Variants in CC2D1A observed in about 807,000 individuals in gnomAD.
The protein encoded by CC2D1A is coiled-coil and C2 domain-containing protein 1A.
CC2D1A carries 68 observed loss-of-function variants against 123.8 expected under a neutral mutation model. The ratio of observed to expected loss-of-function variants is 0.55; its 90% CI spans 0.45 to 0.67. The LOEUF (loss-of-function observed/expected upper bound fraction) is 0.67. CC2D1A is among the 30% of genes least tolerant of loss of function. CC2D1A has a pLI of 0.00. For synonymous variants in CC2D1A, 477 were observed against 528.0 expected, an observed-to-expected ratio of 0.90 and a Z score of 1.32; for missense variants, 1,185 against 1,290.3, an observed-to-expected ratio of 0.92 and a Z score of 1.25.
At chr19:13,909,014 C>G (rs537471163) in intron 1 of CC2D1A, among the ~76,000 whole-genome samples, 3 of 152,198 alleles carry the variant, frequency 2.0e-5, no homozygotes, top group Admixed American at 6.5e-5. Context: ...CAGCCTTGAT[C>G]TCCCCAGGCT....
chr19:13,925,910 A>T (rs1336837881), intron 17 of CC2D1A, among the ~76,000 whole-genome samples: 2 of 101,074 alleles, frequency 2.0e-5, no homozygotes, highest in African/African-American at 7.3e-5. Flanking sequence ...ACAGAGCAAG[A>T]CTCTGTCTAA....
Position 13,918,493 on chromosome 19 carries a change from C to A in CC2D1A, c.874-11C>A. The A allele has an allele frequency of 6.2e-7, 1 of 1,612,884 alleles. No individual in the cohort carries two copies. Among genetic ancestry groups the A allele is most frequent in the Non-Finnish European group, 8.5e-7 (1 of 1,179,356 alleles). On this transcript the variant is annotated splice_polypyrimidine_tract_variant and intron_variant, in intron 7 of 28. Coordinates refer to ENST00000318003, the MANE Select transcript of CC2D1A (RefSeq NM_017721.5). Reference sequence around the variant, plus strand: ...GCACCTCTTCTTCTAATCTCCTCTTCCTTCTCCCAGAGCTTTGATGCTGTC... The same window carrying A: ...GCACCTCTTCTTCTAATCTCCTCTTACTTCTCCCAGAGCTTTGATGCTGTC...
chr19:13,906,629 C>G lies in CC2D1A; in HGVS notation c.60+128C>G, dbSNP rs771884055. ...AGGTAAGCCCCGGTCCCCGCCTCCC[C>G]CCAGGTGAGGCTCCAACACCACCCA... On this transcript the variant is annotated intron_variant, in intron 1 of 28. Transcript: ENST00000318003. The surrounding 1 kb of genome is among the most constrained non-coding windows in gnomAD (Gnocchi z 4.1). 6 of 559,032 alleles carry G rather than the reference C, an allele frequency of 1.1e-5. No homozygotes were observed. The highest frequency in any genetic ancestry group is 4.1e-5 in the Admixed American group (1 of 24,098). 34.6% of individuals were successfully genotyped at this position (559,032 alleles called of 1,614,324 possible).
chr19:13,927,243 G>A lies in CC2D1A; in HGVS notation c.2294G>A (p.Cys765Tyr). Residue 765 changes from cysteine (C) to tyrosine (Y), a missense_variant, in exon 22 of 29, where the codon TGT (cysteine) becomes TAT (tyrosine). Coordinates refer to ENST00000318003, the MANE Select transcript of CC2D1A (RefSeq NM_017721.5). ...QLKLDALEIACEVREILEVLD... is the reference protein window; with the variant it reads ...QLKLDALEIAYEVREILEVLD... ...AAGCTGGATGCACTGGAGATAGCAT[G>A]TGAGGTCCGGGAGATCCTTGAGGTG... 6.2e-7 allele frequency: 1 copy of A among 1,614,108 alleles called. No homozygotes were observed.
At chr19:13,907,018 C>T (rs986980068) in intron 1 of CC2D1A, among the ~76,000 whole-genome samples, 2 of 152,164 alleles carry the variant, frequency 1.3e-5, no homozygotes, top group Admixed American at 6.6e-5. Flanking sequence ...ATGGAAGGAG[C>T]CCAGGACATA....
intron 6 of CC2D1A, among the ~76,000 whole-genome samples, chr19:13,917,804 C>A (rs1971257441): frequency 1.3e-5 from 2 of 152,140 alleles, no homozygotes; most frequent in Admixed American, 1.3e-4. Context: ...CACGGCGAAA[C>A]CCTGTCTCTA....
rs1971030516 is a variant in CC2D1A, at chr19:13,912,394, G to A, written c.268G>A (p.Glu90Lys). 6.2e-7 allele frequency: 1 copy of A among 1,613,754 alleles called. No homozygotes were observed. The highest frequency in any genetic ancestry group is 8.5e-7 in the Non-Finnish European group (1 of 1,179,872). Residue 90 changes from glutamate to lysine, a missense_variant, in exon 3 of 29, where the codon GAG becomes AAG. Coordinates refer to ENST00000318003, the MANE Select transcript of CC2D1A (RefSeq NM_017721.5). ...GAGAGACCCGGATGAGGATGAGGAG[G>A]AGGGGACGGATGAGGACGACTTGGA... is the stretch of plus-strand genomic sequence containing the variant. ...CMRDPDEDEE[E>K]GTDEDDLEAD...
At chr19:13,907,423 T>C (rs570849213) in intron 1 of CC2D1A, among the ~76,000 whole-genome samples, 1 of 151,900 alleles carries the variant, frequency 6.6e-6, no homozygotes, top group African/African-American at 2.4e-5. Flanking sequence ...AAAATAAAGA[T>C]AAAAAATTAA....
chr19:13,909,415 A>G (rs1326114051), intron 1 of CC2D1A, among the ~76,000 whole-genome samples: 1 of 146,440 alleles, frequency 6.8e-6, no homozygotes. Context: ...TTTTTTTTGT[A>G]GAGTTGGGGG....
chr19:13,907,350 G>T (rs141630910), intron 1 of CC2D1A, among the ~76,000 whole-genome samples: 3 of 152,218 alleles, frequency 2.0e-5, no homozygotes, highest in African/African-American at 7.2e-5. Context: ...GTTCAAGACC[G>T]CAGTGAGCTA....
intron 12 of CC2D1A, chr19:13,920,273 A>G: frequency 1.9e-6 from 1 of 516,706 alleles, no homozygotes; most frequent in Non-Finnish European, 3.4e-6. Flanking sequence ...AAAAAAAAAA[A>G]AGTGTTTGGT....
chr19:13,927,302 G>A (rs756298557), intron 22 of CC2D1A, 37 bp downstream of exon 22: 1 of 1,510,908 alleles, frequency 6.6e-7, no homozygotes, highest in East Asian at 2.3e-5. Context: ...CTCCGGTATG[G>A]CCATGCTACT....
Position 13,930,596 on chromosome 19 carries a change from C to G in CC2D1A, c.*201C>G. On this transcript the variant is annotated 3_prime_UTR_variant, in exon 29 of 29. Coordinates refer to ENST00000318003, the MANE Select transcript of CC2D1A (RefSeq NM_017721.5). The surrounding 1 kb of genome is among the most constrained non-coding windows in gnomAD (Gnocchi z 6.8). ...CATGCCTGCCAGCCAGTATGTGCCCCTCACCCAGGCCTGGCTGGGCCCTGG... is the reference window on the plus strand; with the variant it reads ...CATGCCTGCCAGCCAGTATGTGCCCGTCACCCAGGCCTGGCTGGGCCCTGG... 1.6e-6 allele frequency: 1 copy of G among 637,492 alleles called. No individual in the cohort carries two copies. Among genetic ancestry groups the G allele is most frequent in the Non-Finnish European group, 2.7e-6 (1 of 371,102 alleles). The allele number at this position is 637,492 out of a possible 1,614,324, so 39.5% of individuals were successfully genotyped here. A position where few individuals can be genotyped will look rare whatever the true frequency, so the allele number is the denominator to read the frequency against.
intron 6 of CC2D1A, among the ~76,000 whole-genome samples, chr19:13,917,486 C>T (rs958148564): frequency 6.6e-6 from 1 of 152,094 alleles, no homozygotes; most frequent in African/African-American, 2.4e-5. Context: ...GTAACTCACA[C>T]CTGTAATCCT....
chr19:13,925,987 T>TATACGTATATATATGTATATATATACAC lies in CC2D1A; in HGVS notation c.1941-529_1941-528insTACGTATATATATGTATATATATACACA, dbSNP rs1568418646. 3.5e-4 allele frequency among the ~76,000 whole-genome samples: 42 copies of TATACGTATATATATGTATATATATACAC among 120,870 alleles called. 2 individuals carry two copies. Among genetic ancestry groups the TATACGTATATATATGTATATATATACAC allele is most frequent in the African/African-American group, 1.6e-3 (39 of 25,008 alleles). The allele number at this position is 120,870 out of a possible 152,430, so 79.3% of individuals were successfully genotyped here. A position where few individuals can be genotyped will look rare whatever the true frequency, so the allele number is the denominator to read the frequency against. On this transcript the variant is annotated intron_variant, in intron 17 of 28. Coordinates refer to ENST00000318003, the MANE Select transcript of CC2D1A (RefSeq NM_017721.5). ...ACGTATATATATGTGTATATATATA[T>TATACGTATATATATGTATATATATACAC]ACATATATGTGTGTATATATATATA...
At chr19:13,912,800 G>T (rs1053292818) in intron 4 of CC2D1A, among the ~76,000 whole-genome samples, 2 of 152,164 alleles carry the variant, frequency 1.3e-5, no homozygotes, top group African/African-American at 2.4e-5. Context: ...TTACAGGTGT[G>T]TGCCACCACG....
intron 24 of CC2D1A, 89 bp downstream of exon 24, chr19:13,928,277 AC>A: frequency 8.9e-7 from 1 of 1,129,414 alleles, no homozygotes; most frequent in Non-Finnish European, 1.3e-6. Context: ...CACAAATTGG[AC>A]CACGTCCCTC....
rs1214885724 is a variant in CC2D1A at position 13,930,677 on chromosome 19, G to T, written c.*282G>T. The T allele has an allele frequency of 3.2e-5, 16 of 502,096 alleles. No individual in the cohort carries two copies. The highest frequency in any genetic ancestry group is 4.2e-5 in the Non-Finnish European group (12 of 286,002). 31.1% of individuals were successfully genotyped at this position (502,096 alleles called of 1,614,324 possible). A position where few individuals can be genotyped will look rare whatever the true frequency, so the allele number is the denominator to read the frequency against. Reference sequence around the variant, plus strand: ...CGGCCTCTGGCCCGCCCCGGAGCAGGGAGGGTGGCTGGGGCCAAGCCCCGA... The same window carrying T: ...CGGCCTCTGGCCCGCCCCGGAGCAGTGAGGGTGGCTGGGGCCAAGCCCCGA... On this transcript the variant is annotated 3_prime_UTR_variant, in exon 29 of 29. Transcript: ENST00000318003. This position sits in a 1 kb window ranked among gnomAD's most constrained non-coding sequence, Gnocchi z 6.8.
Position 13,923,843 on chromosome 19 carries a change from GC to G in CC2D1A, c.1940+36del, listed in dbSNP as rs770323773. On this transcript the variant is annotated intron_variant, in intron 17 of 28. Coordinates refer to ENST00000318003, the MANE Select transcript of CC2D1A (RefSeq NM_017721.5). The surrounding 1 kb of genome is among the most constrained non-coding windows in gnomAD (Gnocchi z 5.3). ...CTCCTGATCTACGCCCCACCACGTG[GC>G]CCCAGTGGCCCTTTGGTGGCGGTGG... 4.6e-6 allele frequency: 7 copies of G among 1,513,944 alleles called. No homozygotes were observed. The highest frequency in any genetic ancestry group is 6.4e-6 in the Non-Finnish European group (7 of 1,089,898). 93.8% of individuals were successfully genotyped at this position (1,513,944 alleles called of 1,614,324 possible). A position where few individuals can be genotyped will look rare whatever the true frequency, so the allele number is the denominator to read the frequency against.
Sources: allele counts gnomAD v4.1 joint callset (sites outside exome capture counted in the v4.1 genomes callset), GRCh38; gene constraint gnomAD v4.1.1; non-coding constraint Gnocchi (gnomAD v3.1); transcripts MANE v1.5; gene names NCBI Gene and HGNC (gene_info 2026-07-23, HGNC 2026-07-21).